Variants in KMT2C observed in about 807,000 individuals in gnomAD.
KMT2C encodes lysine methyltransferase 2C.
KMT2C carries 88 observed loss-of-function variants against 507.9 expected under a neutral mutation model. The observed-to-expected ratio is 0.17, with a 90% CI of 0.15 to 0.21. The LOEUF (loss-of-function observed/expected upper bound fraction) is 0.21, where lower values mean the gene tolerates loss of function less well. Ranked by LOEUF, KMT2C falls within the 10% of genes least tolerant of loss-of-function variation. KMT2C has a pLI of 1.00. For missense variants in KMT2C, 4,954 were observed against 5,957.8 expected (o/e 0.83, Z 5.55); for synonymous variants, 2,049 against 2,080.8 (o/e 0.98, Z 0.42).
At chr7:152,321,319 T>C (rs1050752628) in intron 3 of KMT2C, among the ~76,000 whole-genome samples, 2 of 151,786 alleles carry the variant, frequency 1.3e-5, no homozygotes, top group Non-Finnish European at 1.5e-5. Context: ...GAAATCCCAA[T>C]ATGTGAAATA....
intron 8 of KMT2C, among the ~76,000 whole-genome samples, chr7:152,264,434 A>C (rs2095829506): frequency 6.6e-6 from 1 of 152,204 alleles, no homozygotes; most frequent in Non-Finnish European, 1.5e-5. Flanking sequence ...CCATAGGAAA[A>C]TATAACCCCC....
At chr7:152,273,559 T>C in intron 7 of KMT2C, 146 bp downstream of exon 7, 1 of 803,412 alleles carries the variant, frequency 1.2e-6, no homozygotes. Flanking sequence ...TCCCCAGCGA[T>C]CCCTGGCAAC....
At chr7:152,363,914 C>G (rs1382921085) in intron 1 of KMT2C, among the ~76,000 whole-genome samples, 1 of 152,208 alleles carries the variant, frequency 6.6e-6, no homozygotes, top group African/African-American at 2.4e-5. Flanking sequence ...TCACAGAAAG[C>G]TGCGAATCAA....
At chr7:152,365,984 A>G (rs1192585509) in intron 1 of KMT2C, among the ~76,000 whole-genome samples, 1 of 152,234 alleles carries the variant, frequency 6.6e-6, no homozygotes, top group Non-Finnish European at 1.5e-5. Flanking sequence ...TGACCAAAAA[A>G]ACATGAAAAG....
intron 2 of KMT2C, among the ~76,000 whole-genome samples, chr7:152,335,153 A>G (rs2129215218): frequency 6.6e-6 from 1 of 152,342 alleles, no homozygotes; most frequent in African/African-American, 2.4e-5. Flanking sequence ...GGAATGACCC[A>G]AAGGGTATTC....
rs2093222760 is a variant in KMT2C at position 152,176,620 on chromosome 7, C to T, written c.8833G>A (p.Ala2945Thr). The T allele has an allele frequency of 6.2e-7, 1 of 1,614,120 alleles. No homozygotes were observed. The highest frequency in any genetic ancestry group is 8.5e-7 in the Non-Finnish European group (1 of 1,180,008). ...CTTGACACATGATTGGATGGGGAGGCCGGCAGAGTTGGTGGTGGTGGAGAC... is the reference window on the plus strand; with the variant it reads ...CTTGACACATGATTGGATGGGGAGGTCGGCAGAGTTGGTGGTGGTGGAGAC... ...SGSPPPPTLP[A>T]SPSNHVSSLP... The change falls in exon 38 of 59, where the codon GCC becomes ACC. Residue 2945 changes from alanine (A) to threonine (T), a missense_variant. Around this residue, in one of 29 missense-constraint regions of KMT2C, gnomAD observed 1,689 missense variants for 1,654.3 expected, o/e 1.02. Transcript: ENST00000262189.
chr7:152,307,583 C>T (rs1357838956), intron 6 of KMT2C, among the ~76,000 whole-genome samples: 3 of 152,102 alleles, frequency 2.0e-5, no homozygotes, highest in Non-Finnish European at 2.9e-5. Flanking sequence ...CTTGCTTAGG[C>T]CCACCAAATT....
In KMT2C at chr7:152,153,042, T is replaced by A. The variant is rs547921730; in HGVS notation, c.12277-88A>T. 34 of 1,471,454 alleles carry A rather than the reference T, an allele frequency of 2.3e-5. No homozygotes were observed. In the East Asian group the frequency reaches 7.1e-4, roughly 31 times the overall value. 91.1% of individuals were successfully genotyped at this position (1,471,454 alleles called of 1,614,324 possible). A position where few individuals can be genotyped will look rare whatever the true frequency, so the allele number is the denominator to read the frequency against. ...AATACACACTTAGGATAAATCCTCT[T>A]TGCATGATACATAGATTCTAAGAAA... On this transcript the variant is annotated intron_variant, in intron 48 of 58. Coordinates refer to ENST00000262189, the MANE Select transcript of KMT2C (RefSeq NM_170606.3).
At chr7:152,156,967 G>A (rs537809294) in intron 44 of KMT2C, among the ~76,000 whole-genome samples, 2 of 152,234 alleles carry the variant, frequency 1.3e-5, no homozygotes, top group East Asian at 3.9e-4. Flanking sequence ...GGAGAGACTT[G>A]GAATCTACCA....
At chr7:152,345,795 C>G (rs578199768) in intron 2 of KMT2C, among the ~76,000 whole-genome samples, 1 of 152,120 alleles carries the variant, frequency 6.6e-6, no homozygotes, top group Admixed American at 6.5e-5. Flanking sequence ...TGCTGTGATT[C>G]CAGGTATGAG....
In KMT2C at chr7:152,163,223, G is replaced by C; in HGVS notation, c.10354C>G (p.Pro3452Ala). 4 of 1,614,104 alleles carry C rather than the reference G, an allele frequency of 2.5e-6. No homozygotes were observed. The highest frequency in any genetic ancestry group is 2.5e-6 in the Non-Finnish European group (3 of 1,180,004). Residue 3452 changes from proline (P) to alanine (A), a missense_variant, in exon 43 of 59, where the codon CCC becomes GCC. Physicochemically the swap from Pro to Ala is conservative, Grantham distance 27. Around this residue, in one of 29 missense-constraint regions of KMT2C, gnomAD observed 801 missense variants for 751.2 expected, o/e 1.07. Coordinates refer to ENST00000262189, the MANE Select transcript of KMT2C (RefSeq NM_170606.3). Reference protein sequence around the residue: ...SSSRTSVSQIPFYSSDLPCDF... With the variant: ...SSSRTSVSQIAFYSSDLPCDF... The stretch of plus-strand genomic sequence containing the variant: ...CAAGGTAAGTCGGAACTGTAGAAGG[G>C]AATCTGGGACACAGATGTCCTACTA...
intron 6 of KMT2C, among the ~76,000 whole-genome samples, chr7:152,284,766 CAT>C (rs2096269617): frequency 6.6e-6 from 1 of 152,046 alleles, no homozygotes; most frequent in South Asian, 2.1e-4. Flanking sequence ...AAATAACAGA[CAT>C]GTCACCAAAG....
chr7:152,305,836 C>A (rs2096611399), intron 6 of KMT2C, among the ~76,000 whole-genome samples: 1 of 152,130 alleles, frequency 6.6e-6, no homozygotes, highest in Admixed American at 6.5e-5. Flanking sequence ...ATTTTCTCTG[C>A]ACCAGTCCCG....
At chr7:152,358,915 C>A (rs754210134) in intron 1 of KMT2C, among the ~76,000 whole-genome samples, 1 of 152,032 alleles carries the variant, frequency 6.6e-6, no homozygotes, top group African/African-American at 2.4e-5. Flanking sequence ...TAATTGTGTC[C>A]TCATAATTCA....
chr7:152,331,688 A>G (rs1359846041), intron 2 of KMT2C, among the ~76,000 whole-genome samples: 4 of 121,928 alleles, frequency 3.3e-5, no homozygotes, highest in East Asian at 4.6e-4. Context: ...CGCTCTGTCC[A>G]CCCAGGCTGG....
rs752426008 is a variant in KMT2C, at chr7:152,187,717, G to A, written c.4791C>T (p.Ala1597=). Residue 1597 remains alanine (A), a splice_region_variant and synonymous_variant, in exon 32 of 59, where the codon GCC becomes GCT. Transcript: ENST00000262189. The part of the protein sequence containing the change: ...SAIAQSSYPD[A]RDKNSAFNPM... ...TCCATAGAAAATAAGGCTTGTACCT[G>A]GCATCAGGATAAGAGGATTGTGCAA... The A allele has an allele frequency of 2.2e-5, 36 of 1,612,554 alleles. 1 individual carries two copies. The African/African-American group carries it at 3.6e-4, about 16-fold the overall frequency.
rs561188442 is a variant in KMT2C, at chr7:152,138,371, C to T, written c.14643+425G>A. The T allele has an allele frequency of 3.2e-4, 54 of 168,094 alleles. 1 individual carries two copies. The South Asian group carries it at 6.9e-3, about 21-fold the overall frequency. The allele number at this position is 168,094 out of a possible 1,614,324, so 10.4% of individuals were successfully genotyped here. A position where few individuals can be genotyped will look rare whatever the true frequency, so the allele number is the denominator to read the frequency against. The stretch of plus-strand genomic sequence containing the variant: ...CGTGAGCACACAATCCTCAGCAGCA[C>T]GGCGGCCCAGATTTGCCGCCCACAG... On this transcript the variant is annotated intron_variant, in intron 58 of 58. Transcript: ENST00000262189. This position sits in a 1 kb window ranked among gnomAD's most constrained non-coding sequence, Gnocchi z 4.2.
At chr7:152,400,882 G>C (rs1444351713) in intron 1 of KMT2C, among the ~76,000 whole-genome samples, 1 of 144,164 alleles carries the variant, frequency 6.9e-6, no homozygotes, top group Non-Finnish European at 1.5e-5. Flanking sequence ...CTAAGGGAAA[G>C]CAGGGGAGGG....
chr7:152,204,964 A>G (rs1478828209), intron 25 of KMT2C, 142 bp downstream of exon 25: 10 of 554,736 alleles, frequency 1.8e-5, no homozygotes, highest in South Asian at 8.2e-5. Flanking sequence ...ATAAAAGGCA[A>G]TAAGACTCTT....
Sources: gnomAD v4.1 joint callset for allele counts (sites outside exome capture counted in the v4.1 genomes callset) on GRCh38, gnomAD v4.1.1 for gene constraint, gnomAD v4.1.1 regional missense constraint, Gnocchi (gnomAD v3.1) non-coding constraint, MANE v1.5 for transcripts, NCBI Gene and HGNC (gene_info 2026-07-23, HGNC 2026-07-21) for gene names.